Variants in PIWIL1 observed in about 807,000 individuals in gnomAD.
PIWIL1 encodes piwi like RNA-mediated gene silencing 1, also known as piwi-like protein 1.
A neutral mutation model predicts 114.4 loss-of-function variants in PIWIL1; 73 were observed. The ratio of observed to expected loss-of-function variants is 0.64; its 90% CI spans 0.53 to 0.78. The LOEUF is 0.78. Among genes scored for constraint, PIWIL1 ranks in the 30% least tolerant of loss-of-function variants. PIWIL1 has a pLI of 0.00. For missense variants in PIWIL1, 723 were observed against 1,063.1 expected, an observed-to-expected ratio of 0.68 and a Z score of 4.45; for synonymous variants, 375 against 369.0, an observed-to-expected ratio of 1.02 and a Z score of -0.19.
chr12:130,350,383 TCTA>T (rs1268359259), intron 9 of PIWIL1, among the ~76,000 whole-genome samples: 1 of 152,236 alleles, frequency 6.6e-6, no homozygotes, highest in South Asian at 2.1e-4. Flanking sequence ...TTCTGCTAAA[TCTA>T]CTGCCTGTGG....
At chr12:130,338,191 CG>C (rs1388031339) in intron 1 of PIWIL1, 45 bp downstream of exon 1, 2 of 265,948 alleles carry the variant, frequency 7.5e-6, no homozygotes, top group Admixed American at 6.3e-5. Context: ...GGCCGGGATG[CG>C]GGGGCGGCGG....
chr12:130,383,938 A>AT, the PIWIL1 span: 2 of 152,228 alleles, frequency 1.3e-5, no homozygotes. Flanking sequence ...AAACTTGATC[A>AT]TACTATTTTA....
chr12:130,345,201 C>G (rs187360118), intron 3 of PIWIL1: 3 of 152,520 alleles, frequency 2.0e-5, no homozygotes, highest in East Asian at 1.9e-4. Context: ...GTATGAGATG[C>G]GTGTCATGGT....
chr12:130,347,821 G>C (rs1036599778), intron 6 of PIWIL1, among the ~76,000 whole-genome samples: 6 of 152,216 alleles, frequency 3.9e-5, no homozygotes, highest in African/African-American at 1.4e-4. Context: ...GACACAGCGT[G>C]TGAGTGAGCG....
intron 19 of PIWIL1, among the ~76,000 whole-genome samples, chr12:130,368,221 G>A (rs929409889): frequency 2.0e-5 from 3 of 152,200 alleles, no homozygotes; most frequent in Non-Finnish European, 2.9e-5. Context: ...ACTCAGGACA[G>A]CGAATCGTTG....
At chr12:130,423,268 G>A in the PIWIL1 span, among the ~76,000 whole-genome samples, 4 of 152,184 alleles carry the variant, frequency 2.6e-5, no homozygotes, top group Admixed American at 6.5e-5. Context: ...AAGGGAGTCC[G>A]GGGATGAGGC....
chr12:130,362,945 G>T (rs377568586), intron 17 of PIWIL1, 46 bp from the exon 18 acceptor site: 3 of 1,612,150 alleles, frequency 1.9e-6, no homozygotes, highest in South Asian at 2.2e-5. Context: ...CAGACGAGTT[G>T]TGTCGTAGGC....
downstream of PIWIL1, among the ~76,000 whole-genome samples, chr12:130,373,642 G>A (rs1020404850): frequency 5.3e-5 from 8 of 152,080 alleles, no homozygotes; most frequent in African/African-American, 1.4e-4. Flanking sequence ...CCTAGGAATC[G>A]GGACTCTCAG....
rs570924589 is a variant in PIWIL1, at chr12:130,348,571, C to T, written c.734+388C>T. On this transcript the variant is annotated intron_variant, in intron 7 of 20. Transcript: ENST00000245255. Reference sequence around the variant, plus strand: ...AGCATTATGCAGTATGCCCATGTCACAAACCTGCACGTGTGCCCCTTGAAT... The same window carrying T: ...AGCATTATGCAGTATGCCCATGTCATAAACCTGCACGTGTGCCCCTTGAAT... Among the ~76,000 whole-genome samples the T allele has an allele frequency of 3.1e-4, 47 of 152,252 alleles. No individual in the cohort carries two copies. In the South Asian group the frequency reaches 9.1e-3, roughly 30 times the overall value.
At chr12:130,411,377 T>C in the PIWIL1 span, among the ~76,000 whole-genome samples, 1 of 152,142 alleles carries the variant, frequency 6.6e-6, no homozygotes, top group Non-Finnish European at 1.5e-5. Context: ...GGTTATGACC[T>C]CCAGTATGAT....
chr12:130,346,907 T>C, intron 5 of PIWIL1, 34 bp from the exon 6 acceptor site: 1 of 1,601,278 alleles, frequency 6.2e-7, no homozygotes, highest in Non-Finnish European at 8.5e-7. Flanking sequence ...CTTTAAGGAT[T>C]TAAAGTTTGG....
chr12:130,414,963 T>G, the PIWIL1 span, among the ~76,000 whole-genome samples: 2 of 152,164 alleles, frequency 1.3e-5, no homozygotes, highest in East Asian at 1.9e-4. Context: ...ACTGCTGAAT[T>G]CTACCAACAT....
chr12:130,362,961 T>C (rs1436258813), intron 17 of PIWIL1, 30 bp from the exon 18 acceptor site: 14 of 1,612,496 alleles, frequency 8.7e-6, no homozygotes, highest in Non-Finnish European at 1.2e-5. Flanking sequence ...TAGGCATGAA[T>C]TGACATAAAA....
intron 18 of PIWIL1, among the ~76,000 whole-genome samples, chr12:130,365,707 G>T (rs2073636796): frequency 6.6e-6 from 1 of 152,266 alleles, no homozygotes; most frequent in Non-Finnish European, 1.5e-5. Flanking sequence ...TGATGTTATA[G>T]GATTAACTTT....
At chr12:130,397,468 T>C in the PIWIL1 span, 3 of 398,874 alleles carry the variant, frequency 7.5e-6, no homozygotes, top group African/African-American at 2.1e-5. Context: ...CCAGAACCCA[T>C]AGATGACGTA....
At chr12:130,407,358 G>C in the PIWIL1 span, among the ~76,000 whole-genome samples, 1 of 152,172 alleles carries the variant, frequency 6.6e-6, no homozygotes, top group Non-Finnish European at 1.5e-5. Context: ...TCTATGTGTG[G>C]GGCCTGACTG....
rs2072946671 is a variant in PIWIL1 at position 130,342,411 on chromosome 12, T to C, written c.-12-169T>C. On this transcript the variant is annotated intron_variant, in intron 1 of 20. Coordinates refer to ENST00000245255, the MANE Select transcript of PIWIL1 (RefSeq NM_004764.5). ...AAGGTAAGCAACTGAGTTTGTTGAATGTAGGAATGTTACATTAAAAAAAAC... is the reference window on the plus strand; with the variant it reads ...AAGGTAAGCAACTGAGTTTGTTGAACGTAGGAATGTTACATTAAAAAAAAC... The C allele has an allele frequency of 1.5e-5, 9 of 610,732 alleles. No individual in the cohort carries two copies. The South Asian group carries it at 1.9e-4, about 13-fold the overall frequency. The allele number at this position is 610,732 out of a possible 1,614,324, so 37.8% of individuals were successfully genotyped here.
chr12:130,347,065 A>T lies in PIWIL1; in HGVS notation c.653+3A>T. ...TTCTATAATATTATTTTCAGGAGGTATGTGTTTTATTTCAACATTTTATTA... is the reference window on the plus strand; with the variant it reads ...TTCTATAATATTATTTTCAGGAGGTTTGTGTTTTATTTCAACATTTTATTA... On this transcript the variant is annotated splice_donor_region_variant and intron_variant, in intron 6 of 20. Coordinates refer to ENST00000245255, the MANE Select transcript of PIWIL1 (RefSeq NM_004764.5). The T allele has an allele frequency of 1.3e-6, 2 of 1,597,342 alleles. No individual in the cohort carries two copies. Among genetic ancestry groups the T allele is most frequent in the South Asian group, 1.1e-5 (1 of 88,378 alleles).
At chr12:130,366,430 C>G (rs998099520) in intron 18 of PIWIL1, 1 of 152,382 alleles carries the variant, frequency 6.6e-6, no homozygotes. Context: ...TAGTGCACGG[C>G]TGTGTCCAGG....
Sources: gnomAD v4.1 joint callset for allele counts (sites outside exome capture counted in the v4.1 genomes callset) on GRCh38, gnomAD v4.1.1 for gene constraint, MANE v1.5 for transcripts, NCBI Gene and HGNC (gene_info 2026-07-23, HGNC 2026-07-21) for gene names.